FAM163B: variants seen among roughly 807,000 people sequenced by gnomAD.
FAM163B encodes family with sequence similarity 163 member B.
Under a neutral mutation model 7.6 loss-of-function variants are expected in FAM163B, and 4 were observed. The ratio of observed to expected loss-of-function variants is 0.52; its 90% CI spans 0.26 to 1.20. FAM163B has a LOEUF of 1.20. FAM163B is among the 50% of genes most tolerant of loss of function. The pLI is 0.14. For synonymous variants in FAM163B, 120 were observed against 111.6 expected (o/e 1.07, Z -0.47); for missense variants, 250 against 243.0 (o/e 1.03, Z -0.19).
At chr9:133,603,646 C>T (rs569222731) in intron 1 of FAM163B, among the ~76,000 whole-genome samples, 7 of 152,280 alleles carry the variant, frequency 4.6e-5, no homozygotes, top group Admixed American at 3.3e-4. Flanking sequence ...GATAGGAGCC[C>T]GCATGTCTGT....
chr9:133,592,025 G>C (rs573284151), intron 1 of FAM163B, among the ~76,000 whole-genome samples: 2 of 152,082 alleles, frequency 1.3e-5, no homozygotes, highest in African/African-American at 4.8e-5. Flanking sequence ...TAGTGCTCGC[G>C]GCCTGGCCCA....
chr9:133,584,807 C>T (rs1318739547), intron 1 of FAM163B, among the ~76,000 whole-genome samples: 2 of 152,208 alleles, frequency 1.3e-5, no homozygotes, highest in African/African-American at 2.4e-5. Flanking sequence ...CAGAGCCATG[C>T]GGGTCAGGCC....
intron 1 of FAM163B, among the ~76,000 whole-genome samples, chr9:133,581,400 G>A (rs975020165): frequency 6.6e-6 from 1 of 152,088 alleles, no homozygotes; most frequent in East Asian, 1.9e-4. Flanking sequence ...GGGGTATGGG[G>A]TGGAGGAAGA....
rs774432420 is a variant in FAM163B at position 133,579,258 on chromosome 9, C to T, written c.265G>A (p.Ala89Thr). The change falls in exon 3 of 3, where the codon GCC becomes ACC. Residue 89 changes from alanine (A) to threonine (T), a missense_variant. Ala to Thr is a moderately conservative substitution (Grantham distance 58, BLOSUM62 0). Coordinates refer to ENST00000673969, the MANE Select transcript of FAM163B (RefSeq NM_001080515.3). ...SFSQKSPQARALCRSCSHCEP... is the reference protein window; with the variant it reads ...SFSQKSPQARTLCRSCSHCEP... ...CAGTGGGAGCAGCTGCGGCAGAGGG[C>T]GCGGGCCTGCGGGGACTTCTGGCTG... The T allele has an allele frequency of 1.6e-5, 25 of 1,612,204 alleles. No individual in the cohort carries two copies. The Admixed American group carries it at 3.3e-4, about 22-fold the overall frequency.
In FAM163B at chr9:133,601,160, C is replaced by A. The variant is rs1366878221; in HGVS notation, c.-24+7917G>T. Among the ~76,000 whole-genome samples, 2 of 152,330 alleles carry A rather than the reference C, an allele frequency of 1.3e-5. No homozygotes were observed. The highest frequency in any genetic ancestry group is 4.8e-5 in the African/African-American group (2 of 41,566). ...AGCCCTGAACACCCACTGCCCCATACTAGGCACAGGGGTTACAAAGATCCA... is the reference window on the plus strand; with the variant it reads ...AGCCCTGAACACCCACTGCCCCATAATAGGCACAGGGGTTACAAAGATCCA... On this transcript the variant is annotated intron_variant, in intron 1 of 2. Transcript: ENST00000673969. This position sits in a 1 kb window ranked among gnomAD's most constrained non-coding sequence, Gnocchi z 4.1.
At chr9:133,581,359 C>T (rs1159585920) in intron 1 of FAM163B, among the ~76,000 whole-genome samples, 2 of 152,158 alleles carry the variant, frequency 1.3e-5, no homozygotes, top group African/African-American at 2.4e-5. Flanking sequence ...CCTCAATTTC[C>T]CAAGCCTCAT....
At chr9:133,597,536 A>AG (rs1831649605) in intron 1 of FAM163B, among the ~76,000 whole-genome samples, 1 of 152,218 alleles carries the variant, frequency 6.6e-6, no homozygotes, top group African/African-American at 2.4e-5. Context: ...GAATCTCCAA[A>AG]GAAGTTGGAG....
At position 133,592,904 on chromosome 9, in the gene FAM163B, C is replaced by T. The variant is rs780285326; in HGVS notation, c.-23-12658G>A. Among the ~76,000 whole-genome samples, 51 of 152,144 alleles carry T rather than the reference C, an allele frequency of 3.4e-4. 1 individual carries two copies. Among genetic ancestry groups the T allele is most frequent in the South Asian group, 1.7e-3 (8 of 4,826 alleles). On this transcript the variant is annotated intron_variant, in intron 1 of 2. Coordinates refer to ENST00000673969, the MANE Select transcript of FAM163B (RefSeq NM_001080515.3). ...TCACCTGGGGCAGTTACACCTGCCC[C>T]AGACCTGGCAGCATCCCAGGCCACT...
chr9:133,585,917 ACTCAGAGCGC>A (rs1159586398), intron 1 of FAM163B: 4 of 152,060 alleles, frequency 2.6e-5, no homozygotes, highest in Non-Finnish European at 4.4e-5. Context: ...GCTTATGGAG[ACTCAGAGCGC>A]CTTTTCTCCA....
intron 1 of FAM163B, among the ~76,000 whole-genome samples, chr9:133,598,576 A>G (rs1036369412): frequency 7.4e-6 from 1 of 135,414 alleles, no homozygotes; most frequent in Admixed American, 7.3e-5. Context: ...TCGGCCCAGG[A>G]GCCAGGCACC....
intron 1 of FAM163B, among the ~76,000 whole-genome samples, chr9:133,603,280 A>G (rs3025332): frequency 0.31 from 47,072 of 152,012 alleles, 7,914 homozygotes; most frequent in South Asian, 0.58. Context: ...TGTGGGTCCA[A>G]TGCATACCCA....
chr9:133,592,636 C>G (rs1831571492), intron 1 of FAM163B, among the ~76,000 whole-genome samples: 1 of 152,222 alleles, frequency 6.6e-6, no homozygotes, highest in Admixed American at 6.5e-5. Flanking sequence ...TGCCTTTCAG[C>G]CACCACCCTG....
chr9:133,578,012 C>G lies in FAM163B; in HGVS notation c.*1010G>C, dbSNP rs1831278761. ...TAGGGGAGGTGACCTGCAACTCTGT[C>G]TCCCTTGGGGATCTCAGTTCCTGTT... On this transcript the variant is annotated 3_prime_UTR_variant, in exon 3 of 3. Coordinates refer to ENST00000673969, the MANE Select transcript of FAM163B (RefSeq NM_001080515.3). 6.6e-6 allele frequency among the ~76,000 whole-genome samples: 1 copy of G among 152,144 alleles called. No individual in the cohort carries two copies. The highest frequency in any genetic ancestry group is 1.5e-5 in the Non-Finnish European group (1 of 68,028).
chr9:133,595,182 G>A (rs184941518), intron 1 of FAM163B, among the ~76,000 whole-genome samples: 11 of 152,306 alleles, frequency 7.2e-5, no homozygotes, highest in Admixed American at 2.0e-4. Context: ...GTCTCCCTCT[G>A]TCACCCAGGC....
intron 1 of FAM163B, among the ~76,000 whole-genome samples, chr9:133,605,467 A>T (rs1831778617): frequency 6.6e-6 from 1 of 152,114 alleles, no homozygotes; most frequent in Admixed American, 6.5e-5. Context: ...CCCAGCCTCC[A>T]CCGGAGCTCC....
Position 133,578,840 on chromosome 9 carries a change from C to A in FAM163B, c.*182G>T. Reference sequence around the variant, plus strand: ...CCTCCCCCCAGGACACATTTGTGTTCAATGAGCCTTATCCCTGCCACGAGC... The same window carrying A: ...CCTCCCCCCAGGACACATTTGTGTTAAATGAGCCTTATCCCTGCCACGAGC... On this transcript the variant is annotated 3_prime_UTR_variant, in exon 3 of 3. Transcript: ENST00000673969. The A allele has an allele frequency of 8.4e-7, 1 of 1,195,094 alleles. No homozygotes were observed. The highest frequency in any genetic ancestry group is 2.6e-5 in the East Asian group (1 of 38,010). The allele number at this position is 1,195,094 out of a possible 1,614,324, so 74.0% of individuals were successfully genotyped here. A position where few individuals can be genotyped will look rare whatever the true frequency, so the allele number is the denominator to read the frequency against.
At chr9:133,586,124 G>A (rs772213417) in intron 1 of FAM163B, 2 of 152,214 alleles carry the variant, frequency 1.3e-5, no homozygotes, top group Non-Finnish European at 2.9e-5. Context: ...GGAAGTGCTC[G>A]GCTGCCCTGT....
At chr9:133,585,877 A>C (rs1273878457) in intron 1 of FAM163B, 1 of 151,370 alleles carries the variant, frequency 6.6e-6, no homozygotes, top group Non-Finnish European at 1.5e-5. Flanking sequence ...TCACGGTCAG[A>C]CTCCTCCCCA....
intron 1 of FAM163B, among the ~76,000 whole-genome samples, chr9:133,587,727 C>T (rs982673348): frequency 3.9e-5 from 6 of 152,060 alleles, no homozygotes; most frequent in East Asian, 1.9e-4. Context: ...GCGTCCCCGA[C>T]GGGTGTGGCT....
Sources: gnomAD v4.1 joint callset for allele counts (sites outside exome capture counted in the v4.1 genomes callset) on GRCh38, gnomAD v4.1.1 for gene constraint, Gnocchi (gnomAD v3.1) non-coding constraint, MANE v1.5 for transcripts, NCBI Gene and HGNC (gene_info 2026-07-23, HGNC 2026-07-21) for gene names.